Variants in SNTG1 observed in about 807,000 individuals in gnomAD.
The protein encoded by SNTG1 is gamma-1-syntrophin.
A neutral mutation model predicts 74.7 loss-of-function variants in SNTG1; 39 were observed. The ratio of observed to expected loss-of-function variants is 0.52; its 90% CI spans 0.40 to 0.68. The LOEUF is 0.68. SNTG1 is among the 30% of genes least tolerant of loss of function. The pLI is 0.00. For synonymous variants in SNTG1, 254 were observed against 217.1 expected, an observed-to-expected ratio of 1.17 and a Z score of -1.49; for missense variants, 685 against 609.5, an observed-to-expected ratio of 1.12 and a Z score of -1.30.
intron 12 of SNTG1, among the ~76,000 whole-genome samples, chr8:50,562,836 A>G (rs948061230): frequency 2.0e-5 from 3 of 152,220 alleles, no homozygotes; most frequent in Admixed American, 6.5e-5. Flanking sequence ...AATTAGTCCC[A>G]GTGCAAATCA....
chr8:50,424,167 G>A (rs1023027494), intron 4 of SNTG1, among the ~76,000 whole-genome samples: 11 of 152,138 alleles, frequency 7.2e-5, no homozygotes, highest in African/African-American at 2.7e-4. Context: ...GCATTGCACT[G>A]CAAATGAAGG....
chr8:50,263,601 A>C (rs1255074786), intron 2 of SNTG1, among the ~76,000 whole-genome samples: 1 of 152,158 alleles, frequency 6.6e-6, no homozygotes, highest in Non-Finnish European at 1.5e-5. Context: ...TTAAAGGTTA[A>C]AAAATTTACT....
Position 50,502,767 on chromosome 8 carries a change from C to A in SNTG1, c.364-11C>A. ...TAATGATGATTGTATTCTTTTTATT[C>A]TTTTTTTCAGGTTCAGGTTCTTCGG... On this transcript the variant is annotated splice_polypyrimidine_tract_variant and intron_variant, in intron 8 of 18. Coordinates refer to ENST00000642720, the MANE Select transcript of SNTG1 (RefSeq NM_018967.5). 6.2e-7 allele frequency: 1 copy of A among 1,602,052 alleles called. No individual in the cohort carries two copies. The highest frequency in any genetic ancestry group is 1.1e-5 in the South Asian group (1 of 90,130).
At chr8:50,199,079 A>T (rs2083885691) in intron 2 of SNTG1, among the ~76,000 whole-genome samples, 1 of 152,338 alleles carries the variant, frequency 6.6e-6, no homozygotes, top group African/African-American at 2.4e-5. Flanking sequence ...ATTCTCTGGG[A>T]TGAAGACGGT....
At chr8:50,256,314 AAT>A (rs1469947912) in intron 2 of SNTG1, among the ~76,000 whole-genome samples, 1 of 152,140 alleles carries the variant, frequency 6.6e-6, no homozygotes, top group Admixed American at 6.5e-5. Flanking sequence ...AAAAATAAAG[AAT>A]AAAAAGTGAA....
chr8:50,529,790 T>C (rs2094251342), intron 9 of SNTG1, among the ~76,000 whole-genome samples: 1 of 152,046 alleles, frequency 6.6e-6, no homozygotes, highest in African/African-American at 2.4e-5. Context: ...AAGGGTAGGA[T>C]TTACCACTTG....
chr8:50,602,225 A>G (rs1295817429), intron 13 of SNTG1, among the ~76,000 whole-genome samples: 3 of 151,088 alleles, frequency 2.0e-5, no homozygotes, highest in African/African-American at 7.4e-5. Flanking sequence ...CTTTTAGTTA[A>G]CATGATTTTA....
intron 1 of SNTG1, among the ~76,000 whole-genome samples, chr8:50,080,299 A>G (rs1413664609): frequency 1.3e-5 from 2 of 152,166 alleles, no homozygotes; most frequent in African/African-American, 4.8e-5. Context: ...TGATGGATAC[A>G]GTTTTAGAGT....
At chr8:50,750,252 C>A (rs1348487908) in intron 17 of SNTG1, among the ~76,000 whole-genome samples, 4 of 151,946 alleles carry the variant, frequency 2.6e-5, no homozygotes, top group Admixed American at 6.6e-5. Flanking sequence ...CTTGAAGATG[C>A]AACTGAATTA....
intron 18 of SNTG1, among the ~76,000 whole-genome samples, chr8:50,778,356 C>T (rs2095647595): frequency 6.6e-6 from 1 of 152,182 alleles, no homozygotes; most frequent in Admixed American, 6.5e-5. Flanking sequence ...ACATCCTCTC[C>T]AGGACCTGTT....
chr8:50,016,006 C>T (rs1816275579), intron 1 of SNTG1, among the ~76,000 whole-genome samples: 1 of 152,060 alleles, frequency 6.6e-6, no homozygotes, highest in African/African-American at 2.4e-5. Flanking sequence ...TGATGAATGT[C>T]AGCTGCAGGC....
Position 50,536,840 on chromosome 8 carries a change from T to A in SNTG1, c.680+32T>A, listed in dbSNP as rs780951361. 2.5e-6 allele frequency: 4 copies of A among 1,605,138 alleles called. No homozygotes were observed. The African/African-American group carries it at 5.4e-5, about 22-fold the overall frequency. ...CCGTGTTTAGGAGTTATGACTGTTT[T>A]GTTTATGAAAAAAGAGACCTTTTAG... is the stretch of plus-strand genomic sequence containing the variant. On this transcript the variant is annotated intron_variant, in intron 11 of 18. Coordinates refer to ENST00000642720, the MANE Select transcript of SNTG1 (RefSeq NM_018967.5).
chr8:50,495,705 C>T (rs777839913), intron 8 of SNTG1, among the ~76,000 whole-genome samples: 2 of 152,070 alleles, frequency 1.3e-5, no homozygotes, highest in Non-Finnish European at 2.9e-5. Flanking sequence ...CTTAAGAAGG[C>T]CTTATCTCCT....
At chr8:50,367,479 A>T (rs2092147363) in intron 2 of SNTG1, among the ~76,000 whole-genome samples, 1 of 152,102 alleles carries the variant, frequency 6.6e-6, no homozygotes, top group African/African-American at 2.4e-5. Flanking sequence ...ATTATTTTTT[A>T]TTTTTTATGT....
chr8:50,103,640 G>A (rs1212213423), intron 1 of SNTG1, among the ~76,000 whole-genome samples: 2 of 152,166 alleles, frequency 1.3e-5, no homozygotes, highest in African/African-American at 4.8e-5. Flanking sequence ...TCTTGTGCCA[G>A]TTTTCAAAGG....
chr8:50,553,430 T>A (rs916016464), intron 12 of SNTG1, among the ~76,000 whole-genome samples: 1 of 152,156 alleles, frequency 6.6e-6, no homozygotes, highest in Non-Finnish European at 1.5e-5. Context: ...AAATAACTAG[T>A]TAGCATATAA....
At chr8:50,744,287 T>C (rs557670417) in intron 17 of SNTG1, among the ~76,000 whole-genome samples, 2 of 152,140 alleles carry the variant, frequency 1.3e-5, no homozygotes, top group East Asian at 3.9e-4. Flanking sequence ...ATCTATACAC[T>C]AACAATGAAT....
intron 17 of SNTG1, among the ~76,000 whole-genome samples, chr8:50,744,181 C>T (rs567467617): frequency 2.0e-5 from 3 of 152,012 alleles, no homozygotes; most frequent in Non-Finnish European, 2.9e-5. Context: ...GACAAATATC[C>T]AAACTAAATA....
At chr8:50,228,548 A>G (rs1357567306) in intron 2 of SNTG1, among the ~76,000 whole-genome samples, 1 of 151,970 alleles carries the variant, frequency 6.6e-6, no homozygotes, top group African/African-American at 2.4e-5. Context: ...AACTTCTTAA[A>G]TATGGAAGAA....
Sources: allele counts gnomAD v4.1 joint callset (sites outside exome capture counted in the v4.1 genomes callset), GRCh38; gene constraint gnomAD v4.1.1; transcripts MANE v1.5; gene names NCBI Gene and HGNC (gene_info 2026-07-23, HGNC 2026-07-21).